Variants in TMCO4 observed in about 807,000 individuals in gnomAD.
The protein encoded by TMCO4 is transmembrane and coiled-coil domains 4, also known as transmembrane and coiled-coil domain-containing protein 4.
Under a neutral mutation model 64.7 loss-of-function variants are expected in TMCO4, and 58 were observed. That is an observed-to-expected ratio of 0.90 (90% CI 0.73 to 1.12). The LOEUF (loss-of-function observed/expected upper bound fraction) is 1.12, where lower values mean the gene tolerates loss of function less well. Ranked by LOEUF, TMCO4 falls within the 50% of genes most tolerant of loss-of-function variation. TMCO4 has a pLI of 0.00. For synonymous variants in TMCO4, 325 were observed against 346.1 expected, an observed-to-expected ratio of 0.94 and a Z score of 0.68; for missense variants, 780 against 825.9, an observed-to-expected ratio of 0.94 and a Z score of 0.68.
At chr1:19,699,844 A>G (rs1024814207) in intron 14 of TMCO4, among the ~76,000 whole-genome samples, 1 of 152,246 alleles carries the variant, frequency 6.6e-6, no homozygotes, top group Admixed American at 6.5e-5. Flanking sequence ...AATCATGTGC[A>G]CGAGCATGTA....
chr1:19,739,268 T>G (rs2095468921), intron 12 of TMCO4, among the ~76,000 whole-genome samples: 1 of 152,198 alleles, frequency 6.6e-6, no homozygotes, highest in African/African-American at 2.4e-5. Flanking sequence ...GATTCAAATT[T>G]TAAAAGTATT....
rs148787513 is a variant in TMCO4 at position 19,799,688 on chromosome 1, G to A, written c.-180+167C>T. 1.0e-3 allele frequency among the ~76,000 whole-genome samples: 155 copies of A among 152,320 alleles called. 2 individuals are homozygous for A. Among genetic ancestry groups the A allele is most frequent in the Admixed American group, 8.5e-3 (130 of 15,310 alleles). ...TAGGGCAGGCAGCGCCAGGGAGCGCGCGGCCGCTTCCTGGTGGGTCCAGTG... is the reference window on the plus strand; with the variant it reads ...TAGGGCAGGCAGCGCCAGGGAGCGCACGGCCGCTTCCTGGTGGGTCCAGTG... On this transcript the variant is annotated intron_variant, in intron 1 of 15. Coordinates refer to ENST00000294543, the MANE Select transcript of TMCO4 (RefSeq NM_181719.7).
At chr1:19,687,421 G>A (rs775477869) in intron 15 of TMCO4, among the ~76,000 whole-genome samples, 2 of 152,232 alleles carry the variant, frequency 1.3e-5, no homozygotes, top group Non-Finnish European at 2.9e-5. Context: ...TGCAATTTGA[G>A]TTAGTGATAC....
At chr1:19,686,432 T>G (rs2095150158) in intron 15 of TMCO4, among the ~76,000 whole-genome samples, 1 of 152,248 alleles carries the variant, frequency 6.6e-6, no homozygotes, top group African/African-American at 2.4e-5. Flanking sequence ...AACATCTGCA[T>G]TTCCATTTGA....
chr1:19,763,838 G>A (rs1192166292), intron 6 of TMCO4, among the ~76,000 whole-genome samples: 1 of 152,194 alleles, frequency 6.6e-6, no homozygotes, highest in Non-Finnish European at 1.5e-5. Context: ...GCTGAGCACT[G>A]GGTTGAAGCC....
chr1:19,745,732 T>G lies in TMCO4; in HGVS notation c.758-81A>C, dbSNP rs1041694902. On this transcript the variant is annotated intron_variant, in intron 9 of 15. Transcript: ENST00000294543. ...CAGGGTGGCTGTATGTTCTCACACA[T>G]GCACACAGTGAGCACCATCTGTGTG... The G allele has an allele frequency of 8.0e-6, 12 of 1,504,838 alleles. No individual in the cohort carries two copies. The African/African-American group carries it at 1.7e-4, about 21-fold the overall frequency. 93.2% of individuals were successfully genotyped at this position (1,504,838 alleles called of 1,614,324 possible).
At chr1:19,790,773 G>A (rs900693116) in intron 2 of TMCO4, among the ~76,000 whole-genome samples, 3 of 152,212 alleles carry the variant, frequency 2.0e-5, no homozygotes, top group African/African-American at 7.2e-5. Context: ...ATCTAGAACC[G>A]GAAATACCAT....
chr1:19,777,026 CAAAAAAAAAAAA>C (rs59722797), intron 4 of TMCO4, among the ~76,000 whole-genome samples: 2 of 82,782 alleles, frequency 2.4e-5, no homozygotes, highest in Non-Finnish European at 2.3e-5. Flanking sequence ...GACACTGTCT[CAAAAAAAAAAAA>C]AAAAAAAAAA....
chr1:19,696,722 T>C (rs2095239731), intron 14 of TMCO4, among the ~76,000 whole-genome samples: 1 of 152,118 alleles, frequency 6.6e-6, no homozygotes, highest in African/African-American at 2.4e-5. Flanking sequence ...CAGCTGGGTA[T>C]AAATGAGCAA....
In TMCO4 at chr1:19,743,101, T is replaced by C. The variant is rs1019845947; in HGVS notation, c.878-2160A>G. ...AAAAGGCGTTGTATAAACTGTAAAG[T>C]GCTCTACTGCATTGTGCTGTCCTAT... is the stretch of plus-strand genomic sequence containing the variant. On this transcript the variant is annotated intron_variant, in intron 10 of 15. Coordinates refer to ENST00000294543, the MANE Select transcript of TMCO4 (RefSeq NM_181719.7). The surrounding 1 kb of genome is among the most constrained non-coding windows in gnomAD (Gnocchi z 4.1). Among the ~76,000 whole-genome samples the C allele has an allele frequency of 1.3e-5, 2 of 152,300 alleles. No homozygotes were observed. The highest frequency in any genetic ancestry group is 4.2e-4 in the South Asian group (2 of 4,818).
chr1:19,737,697 G>A (rs1381266266), intron 12 of TMCO4, among the ~76,000 whole-genome samples: 4 of 152,240 alleles, frequency 2.6e-5, no homozygotes, highest in Non-Finnish European at 5.9e-5. Context: ...GGCAGCCCCC[G>A]GCTGGGTTAA....
Position 19,770,579 on chromosome 1 carries a change from A to G in TMCO4, c.355-10T>C. 6.2e-7 allele frequency: 1 copy of G among 1,612,120 alleles called. No individual in the cohort carries two copies. Among genetic ancestry groups the G allele is most frequent in the Non-Finnish European group, 8.5e-7 (1 of 1,179,310 alleles). ...AGAAGCTCAGAAGGTCCTGAGGGAG[A>G]AGACAACAGGCATCAATGACAAAGC... On this transcript the variant is annotated splice_polypyrimidine_tract_variant and intron_variant, in intron 5 of 15. Transcript: ENST00000294543.
rs1208679539 is a variant in TMCO4 at position 19,682,813 on chromosome 1, C to T, written c.*227G>A. 1.1e-5 allele frequency: 8 copies of T among 728,076 alleles called. No homozygotes were observed. Among genetic ancestry groups the T allele is most frequent in the South Asian group, 9.1e-5 (6 of 66,164 alleles). The allele number at this position is 728,076 out of a possible 1,614,324, so 45.1% of individuals were successfully genotyped here. On this transcript the variant is annotated 3_prime_UTR_variant, in exon 16 of 16. Coordinates refer to ENST00000294543, the MANE Select transcript of TMCO4 (RefSeq NM_181719.7). Reference sequence around the variant, plus strand: ...GGTCTCTGATGAGGGGGCAGCTGCTCCCTGGTGGGGCTCCTCTGGGGACAG... The same window carrying T: ...GGTCTCTGATGAGGGGGCAGCTGCTTCCTGGTGGGGCTCCTCTGGGGACAG...
intron 14 of TMCO4, among the ~76,000 whole-genome samples, chr1:19,695,013 G>C (rs1258521318): frequency 1.3e-5 from 2 of 152,236 alleles, no homozygotes; most frequent in Admixed American, 1.3e-4. Context: ...GTGAGGAGGG[G>C]AGGAACTCTG....
rs770797973 is a variant in TMCO4, at chr1:19,683,110, A to G, written c.1835T>C (p.Met612Thr). 6.2e-7 allele frequency: 1 copy of G among 1,612,880 alleles called. No individual in the cohort carries two copies. Residue 612 changes from methionine to threonine, a missense_variant, in exon 16 of 16, where the codon ATG becomes ACG. By Grantham distance (81) the Met-to-Thr change is moderately conservative. Transcript: ENST00000294543. ...PERPPICSHG[M>T]DPNPLGCPDC... ...GGGGCAGCCCAGTGGGTTGGGGTCC[A>G]TGCCATGGCTGCAGATGGGGGGCCT...
At chr1:19,721,160 G>C (rs2095381016) in intron 13 of TMCO4, among the ~76,000 whole-genome samples, 1 of 152,158 alleles carries the variant, frequency 6.6e-6, no homozygotes, top group South Asian at 2.1e-4. Flanking sequence ...AAAATTCTGA[G>C]TGAGGGGGAG....
rs574992945 is a variant in TMCO4, at chr1:19,721,479, T to G, written c.1264+15893A>C. 7.9e-5 allele frequency among the ~76,000 whole-genome samples: 12 copies of G among 152,180 alleles called. No homozygotes were observed. The East Asian group carries it at 2.3e-3, about 29-fold the overall frequency. On this transcript the variant is annotated intron_variant, in intron 13 of 15. Coordinates refer to ENST00000294543, the MANE Select transcript of TMCO4 (RefSeq NM_181719.7). ...CCTAGTGGGACTGCTCAGCTCTGGG[T>G]GCAAAATAGATAAAAATTATATTTA...
At chr1:19,712,249 G>A (rs1036201915) in intron 13 of TMCO4, among the ~76,000 whole-genome samples, 3 of 152,180 alleles carry the variant, frequency 2.0e-5, no homozygotes, top group African/African-American at 7.2e-5. Flanking sequence ...GTCTTATATG[G>A]ACAATGTTTG....
At chr1:19,703,066 C>T (rs143595887) in intron 13 of TMCO4, among the ~76,000 whole-genome samples, 121 of 152,304 alleles carry the variant, frequency 7.9e-4, no homozygotes, top group African/African-American at 2.8e-3. Context: ...GTGCCTTATT[C>T]ACAGCAGTGT....
Sources: gnomAD v4.1 joint callset for allele counts (sites outside exome capture counted in the v4.1 genomes callset) on GRCh38, gnomAD v4.1.1 for gene constraint, Gnocchi (gnomAD v3.1) non-coding constraint, MANE v1.5 for transcripts, NCBI Gene and HGNC (gene_info 2026-07-23, HGNC 2026-07-21) for gene names.